The following PLA2G5 variants were observed in gnomAD, a reference collection of about 807,000 sequenced individuals.
The protein encoded by PLA2G5 is Ca2+-dependent phospholipase A2.
PLA2G5 carries 12 observed loss-of-function variants against 15.9 expected under a neutral mutation model. The ratio of observed to expected loss-of-function variants is 0.76; its 90% confidence interval spans 0.48 to 1.23. The LOEUF (loss-of-function observed/expected upper bound fraction) is 1.23. Among genes scored for constraint, PLA2G5 ranks in the 50% most tolerant of loss-of-function variants. The pLI is 0.00. For synonymous variants in PLA2G5, 71 were observed against 71.4 expected, an observed-to-expected ratio of 0.99 and a Z score of 0.03; for missense variants, 169 against 177.1, an observed-to-expected ratio of 0.95 and a Z score of 0.26.
intron 1 of PLA2G5, among the ~76,000 whole-genome samples, chr1:20,049,797 C>T (rs1180922092): frequency 6.6e-6 from 1 of 152,164 alleles, no homozygotes; most frequent in Non-Finnish European, 1.5e-5. Flanking sequence ...AGCATGAGAA[C>T]AGATGAATAC....
intron 1 of PLA2G5, among the ~76,000 whole-genome samples, chr1:20,050,537 T>C (rs2014131361): frequency 6.6e-6 from 1 of 152,228 alleles, no homozygotes; most frequent in Admixed American, 6.5e-5. Context: ...TCTTGAAGCA[T>C]TAACCAACTT....
At chr1:20,084,688 A>C in intron 1 of PLA2G5, 133 bp from the exon 2 acceptor site, 1 of 706,308 alleles carries the variant, frequency 1.4e-6, no homozygotes, top group Non-Finnish European at 2.6e-6. Context: ...TTCTGGCTGG[A>C]CTCATCTTGT....
At chr1:20,046,187 C>T (rs1450167425) in intron 1 of PLA2G5, 1 of 152,102 alleles carries the variant, frequency 6.6e-6, no homozygotes, top group Admixed American at 6.5e-5. Context: ...GTCTAACAAC[C>T]AGCTTGTCTT....
At chr1:20,089,162 A>G (rs945974001) in intron 3 of PLA2G5, among the ~76,000 whole-genome samples, 1 of 152,056 alleles carries the variant, frequency 6.6e-6, no homozygotes, top group African/African-American at 2.4e-5. Flanking sequence ...CGTCAGTGCT[A>G]TGGAAGTTGT....
upstream of PLA2G5, among the ~76,000 whole-genome samples, chr1:20,068,460 T>G (rs2015168746): frequency 6.6e-6 from 1 of 151,484 alleles, no homozygotes; most frequent in African/African-American, 2.4e-5. Flanking sequence ...AGTTTTTTTT[T>G]TTTTTTTTTG....
chr1:20,041,409 T>C (rs1449860963), intron 1 of PLA2G5, among the ~76,000 whole-genome samples: 2 of 152,206 alleles, frequency 1.3e-5, no homozygotes, highest in Non-Finnish European at 2.9e-5. Flanking sequence ...GGGGCAGTTT[T>C]ATAGGATTTG....
intron 1 of PLA2G5, among the ~76,000 whole-genome samples, chr1:20,051,929 A>G (rs942966360): frequency 3.9e-5 from 6 of 152,168 alleles, no homozygotes; most frequent in Admixed American, 3.3e-4. Context: ...GTAAAAATCT[A>G]TGGCTGGGCT....
At chr1:20,081,199 C>T (rs2016000164) in intron 1 of PLA2G5, among the ~76,000 whole-genome samples, 1 of 151,798 alleles carries the variant, frequency 6.6e-6, no homozygotes, top group Non-Finnish European at 1.5e-5. Flanking sequence ...CGCTTCCTCT[C>T]TGTGGTCGTT....
chr1:20,083,821 C>T (rs1318892284), intron 1 of PLA2G5, among the ~76,000 whole-genome samples: 4 of 151,672 alleles, frequency 2.6e-5, no homozygotes, highest in Non-Finnish European at 1.5e-5. Flanking sequence ...TGGCAAGGTC[C>T]CTGAGCTTTC....
At chr1:20,036,746 A>G (rs2013266649) in intron 1 of PLA2G5, among the ~76,000 whole-genome samples, 1 of 151,786 alleles carries the variant, frequency 6.6e-6, no homozygotes, top group Admixed American at 6.6e-5. Flanking sequence ...ACTCACTGCA[A>G]CCTCTGCCTC....
At chr1:20,087,542 T>A (rs941169913) in intron 3 of PLA2G5, among the ~76,000 whole-genome samples, 69 of 152,194 alleles carry the variant, frequency 4.5e-4, no homozygotes, top group South Asian at 2.1e-4. Context: ...GTTTTTTTTT[T>A]ATACACATGG....
upstream of PLA2G5, among the ~76,000 whole-genome samples, chr1:20,067,980 A>C (rs989570721): frequency 1.3e-5 from 2 of 151,884 alleles, no homozygotes; most frequent in Non-Finnish European, 1.5e-5. Context: ...TTAGCCAGGC[A>C]TGGTGACAGG....
chr1:20,085,234 C>T (rs2016226892), intron 2 of PLA2G5, among the ~76,000 whole-genome samples: 2 of 152,102 alleles, frequency 1.3e-5, no homozygotes, highest in Admixed American at 6.5e-5. Flanking sequence ...AAAATCAAAA[C>T]TCTTATCTAA....
chr1:20,087,129 T>C (rs955574246), intron 3 of PLA2G5, among the ~76,000 whole-genome samples: 3 of 152,352 alleles, frequency 2.0e-5, no homozygotes, highest in Middle Eastern at 3.4e-3. Flanking sequence ...TGTGGAAGTA[T>C]GCATAGGTAG....
chr1:20,070,061 TA>T, upstream of PLA2G5: 1 of 313,026 alleles, frequency 3.2e-6, no homozygotes, highest in Non-Finnish European at 4.6e-6. Flanking sequence ...GTGAAGTGGC[TA>T]AAGCCGTGAC....
chr1:20,062,115 G>A (rs534231126), intron 2 of PLA2G5, among the ~76,000 whole-genome samples: 1 of 152,286 alleles, frequency 6.6e-6, no homozygotes, highest in Admixed American at 6.5e-5. Flanking sequence ...GGCCTCCCTA[G>A]AAGCCGAGCA....
chr1:20,086,944 A>G (rs1007338310), intron 3 of PLA2G5, among the ~76,000 whole-genome samples: 1 of 152,232 alleles, frequency 6.6e-6, no homozygotes, highest in Non-Finnish European at 1.5e-5. Flanking sequence ...CTAGACATAT[A>G]TAAAGGAAAG....
At chr1:20,083,685 A>G (rs1186672902) in intron 1 of PLA2G5, among the ~76,000 whole-genome samples, 1 of 151,828 alleles carries the variant, frequency 6.6e-6, no homozygotes, top group Non-Finnish European at 1.5e-5. Context: ...GTAGAGCATG[A>G]GAAGGAACAA....
chr1:20,086,857 G>A (rs978817835), intron 3 of PLA2G5, among the ~76,000 whole-genome samples: 2 of 152,208 alleles, frequency 1.3e-5, no homozygotes, highest in Admixed American at 6.5e-5. Flanking sequence ...AAGTGCTAAA[G>A]TTCTAGAAGA....
Sources: allele counts gnomAD v4.1 joint callset (sites outside exome capture counted in the v4.1 genomes callset), GRCh38; gene constraint gnomAD v4.1.1; transcripts MANE v1.5; gene names NCBI Gene and HGNC (gene_info 2026-07-23, HGNC 2026-07-21).